Variants in IRAK2 observed in about 807,000 individuals in gnomAD.
IRAK2 encodes the protein interleukin 1 receptor associated kinase 2.
In IRAK2, 57 loss-of-function variants were observed where a neutral mutation model predicts 72.0. That is an observed-to-expected ratio of 0.79 (90% CI 0.64 to 0.99). IRAK2 has a LOEUF of 0.99. Ranked by LOEUF, IRAK2 falls within the 50% of genes least tolerant of loss-of-function variation. The pLI, the probability that IRAK2 is intolerant of heterozygous loss-of-function variation, is 0.00. For synonymous variants in IRAK2, 293 were observed against 312.7 expected, an observed-to-expected ratio of 0.94 and a Z score of 0.67; for missense variants, 790 against 794.4, an observed-to-expected ratio of 0.99 and a Z score of 0.07.
intron 10 of IRAK2, 62 bp downstream of exon 10, chr3:10,226,495 G>T: frequency 7.5e-7 from 1 of 1,332,290 alleles, no homozygotes; most frequent in South Asian, 1.2e-5. Context: ...CTGTAGAGAG[G>T]GCAACGACCT....
intron 1 of IRAK2, among the ~76,000 whole-genome samples, chr3:10,169,065 G>A (rs1440332946): frequency 6.6e-6 from 1 of 152,122 alleles, no homozygotes; most frequent in East Asian, 1.9e-4. Context: ...TTACACATTG[G>A]TAGGACCGTG....
In IRAK2 at chr3:10,206,274, C is replaced by G. The variant is rs190338531; in HGVS notation, c.425-3315C>G. ...TCTGCACACAGTGCCTGGGGAACAG[C>G]CCCTGGGAAGCATGGTCCGGATGCA... On this transcript the variant is annotated intron_variant, in intron 3 of 12. Coordinates refer to ENST00000256458, the MANE Select transcript of IRAK2 (RefSeq NM_001570.4). Among the ~76,000 whole-genome samples the G allele has an allele frequency of 1.7e-3, 260 of 152,302 alleles. 6 individuals carry two copies. The South Asian group carries it at 0.043, about 25-fold the overall frequency.
At chr3:10,204,100 AT>A (rs2125152775) in intron 3 of IRAK2, among the ~76,000 whole-genome samples, 1 of 152,366 alleles carries the variant, frequency 6.6e-6, no homozygotes, top group African/African-American at 2.4e-5. Flanking sequence ...TACTCTACAC[AT>A]AGTTTCACCA....
chr3:10,171,988 A>T (rs1159834256), intron 1 of IRAK2, among the ~76,000 whole-genome samples: 1 of 152,048 alleles, frequency 6.6e-6, no homozygotes, highest in East Asian at 1.9e-4. Flanking sequence ...CTGTAATCTC[A>T]GCACTTTGGG....
chr3:10,211,274 C>T (rs556476287), intron 4 of IRAK2, among the ~76,000 whole-genome samples: 159 of 151,898 alleles, frequency 1.0e-3, no homozygotes, highest in African/African-American at 3.0e-3. Flanking sequence ...CCTGAGTATC[C>T]GGGATTATAG....
intron 1 of IRAK2, among the ~76,000 whole-genome samples, chr3:10,168,283 T>C (rs1696733905): frequency 6.6e-6 from 1 of 151,448 alleles, no homozygotes; most frequent in South Asian, 2.1e-4. Flanking sequence ...TGATCTCGGC[T>C]CGCTGCAACC....
chr3:10,184,280 A>G (rs993932845), intron 2 of IRAK2, among the ~76,000 whole-genome samples: 4 of 152,156 alleles, frequency 2.6e-5, no homozygotes, highest in African/African-American at 9.7e-5. Flanking sequence ...TTTATGTGCA[A>G]CTAAAGCTTC....
intron 10 of IRAK2, among the ~76,000 whole-genome samples, chr3:10,228,881 G>C (rs113124038): frequency 0.047 from 7,216 of 152,006 alleles, 395 homozygotes; most frequent in African/African-American, 0.14. Context: ...TTTGTGCCTA[G>C]AGAAACATGC....
Position 10,242,467 on chromosome 3 carries a change from G to A in IRAK2, c.*239G>A, listed in dbSNP as rs562943497. 89 of 287,020 alleles carry A rather than the reference G, an allele frequency of 3.1e-4. 1 individual carries two copies. In the South Asian group the frequency reaches 6.7e-3, roughly 22 times the overall value. The allele number at this position is 287,020 out of a possible 1,614,324, so 17.8% of individuals were successfully genotyped here. A position where few individuals can be genotyped will look rare whatever the true frequency, so the allele number is the denominator to read the frequency against. Reference sequence around the variant, plus strand: ...TTCTGGGCTTTGTTAGTCAGAGCAGGGGATCAGAGGAGACTGAAGCAGAAA... The same window carrying A: ...TTCTGGGCTTTGTTAGTCAGAGCAGAGGATCAGAGGAGACTGAAGCAGAAA... On this transcript the variant is annotated 3_prime_UTR_variant, in exon 13 of 13. Coordinates refer to ENST00000256458, the MANE Select transcript of IRAK2 (RefSeq NM_001570.4).
chr3:10,216,321 G>T (rs1442825515), intron 6 of IRAK2, among the ~76,000 whole-genome samples: 1 of 152,164 alleles, frequency 6.6e-6, no homozygotes, highest in African/African-American at 2.4e-5. Context: ...GTTGACCTGA[G>T]CATCAGGATG....
At position 10,200,492 on chromosome 3, in the gene IRAK2, G is replaced by C. The variant is rs1244626242; in HGVS notation, c.401G>C (p.Arg134Thr). 25 of 1,580,778 alleles carry C rather than the reference G, an allele frequency of 1.6e-5. No individual in the cohort carries two copies. The highest frequency in any genetic ancestry group is 2.2e-5 in the Non-Finnish European group (25 of 1,161,638). Residue 134 changes from arginine (R) to threonine (T), a missense_variant, in exon 3 of 13, where the codon AGG (arginine) becomes ACG (threonine). Arg to Thr is a moderately conservative substitution (Grantham distance 71). Transcript: ENST00000256458. ...EDEQEEGQPV[R>T]MATFPGPGSS... ...GAACAGGAAGAGGGGCAGCCTGTGAGGATGGCCACCTTTCCAGGCCCAGGT... is the reference window on the plus strand; with the variant it reads ...GAACAGGAAGAGGGGCAGCCTGTGACGATGGCCACCTTTCCAGGCCCAGGT...
intron 2 of IRAK2, among the ~76,000 whole-genome samples, chr3:10,199,369 G>A (rs1697319041): frequency 6.6e-6 from 1 of 152,180 alleles, no homozygotes; most frequent in Non-Finnish European, 1.5e-5. Context: ...ATCTTAGCAA[G>A]TCATTTAACC....
At chr3:10,206,905 A>C (rs1697441908) in intron 3 of IRAK2, among the ~76,000 whole-genome samples, 1 of 151,170 alleles carries the variant, frequency 6.6e-6, no homozygotes, top group African/African-American at 2.4e-5. Context: ...CCCAGGCTGG[A>C]GTGCAGTGGC....
In IRAK2 at chr3:10,243,431, G is replaced by A. The variant is rs1698092080; in HGVS notation, c.*1203G>A. ...TAATTAAGTCAATCATTTAATTTTT[G>A]GGACCTCAGTTTCTTTGTAAGTAAA... is the stretch of plus-strand genomic sequence containing the variant. On this transcript the variant is annotated 3_prime_UTR_variant, in exon 13 of 13. Transcript: ENST00000256458. 1 of 152,582 alleles carries A rather than the reference G, an allele frequency of 6.6e-6. No individual in the cohort carries two copies. The highest frequency in any genetic ancestry group is 2.1e-4 in the South Asian group (1 of 4,832). 9.5% of individuals were successfully genotyped at this position (152,582 alleles called of 1,614,324 possible). A position where few individuals can be genotyped will look rare whatever the true frequency, so the allele number is the denominator to read the frequency against.
intron 11 of IRAK2, among the ~76,000 whole-genome samples, chr3:10,235,488 T>C (rs569892423): frequency 6.6e-6 from 1 of 152,108 alleles, no homozygotes; most frequent in South Asian, 2.1e-4. Context: ...AAGGACAAAC[T>C]CTCCACTGCC....
At position 10,234,496 on chromosome 3, in the gene IRAK2, C is replaced by T. The variant is rs1371014617; in HGVS notation, c.1310C>T (p.Ala437Val). 11 of 1,614,090 alleles carry T rather than the reference C, an allele frequency of 6.8e-6. No individual in the cohort carries two copies. The South Asian group carries it at 1.2e-4, about 18-fold the overall frequency. ...CTCAGTGATATTCCAAGCAGCACCG[C>T]CTCGCTCTGCTCCAGGAAGACGGGC... ...LLLSDIPSST[A>V]SLCSRKTGVE... Residue 437 changes from alanine (A) to valine (V), a missense_variant, in exon 11 of 13, where the codon GCC becomes GTC. By Grantham distance (64) the Ala-to-Val change is moderately conservative. Coordinates refer to ENST00000256458, the MANE Select transcript of IRAK2 (RefSeq NM_001570.4).
In IRAK2 at chr3:10,242,307, T is replaced by C; in HGVS notation, c.*79T>C. On this transcript the variant is annotated 3_prime_UTR_variant, in exon 13 of 13. Coordinates refer to ENST00000256458, the MANE Select transcript of IRAK2 (RefSeq NM_001570.4). ...ATCAAGAAAAAGGTCTGAGGCAGAA[T>C]CCAAGATCTGCCAGGAAACACACAA... is the stretch of plus-strand genomic sequence containing the variant. 1 of 767,758 alleles carries C rather than the reference T, an allele frequency of 1.3e-6. No homozygotes were observed. Among genetic ancestry groups the C allele is most frequent in the Non-Finnish European group, 2.1e-6 (1 of 466,476 alleles). 47.6% of individuals were successfully genotyped at this position (767,758 alleles called of 1,614,324 possible). A position where few individuals can be genotyped will look rare whatever the true frequency, so the allele number is the denominator to read the frequency against.
At chr3:10,201,064 A>G (rs1305829869) in intron 3 of IRAK2, among the ~76,000 whole-genome samples, 1 of 152,254 alleles carries the variant, frequency 6.6e-6, no homozygotes, top group African/African-American at 2.4e-5. Context: ...AACAAAATGT[A>G]TATAACATCT....
Position 10,213,338 on chromosome 3 carries a change from C to T in IRAK2, c.660C>T (p.Thr220=). ...FNQNRKISQG[T]FADVYRGHRH... is the part of the protein sequence containing the mutation. ...AAAACCGCAAAATCAGCCAGGGGAC[C>T]TTTGCTGACGTCTACAGAGGGCACA... The change falls in exon 5 of 13, where the codon ACC becomes ACT. Residue 220 remains threonine (T), a synonymous_variant. Transcript: ENST00000256458. The T allele has an allele frequency of 2.5e-6, 4 of 1,614,056 alleles. No individual in the cohort carries two copies. Among genetic ancestry groups the T allele is most frequent in the South Asian group, 1.1e-5 (1 of 91,084 alleles).
Sources: allele counts gnomAD v4.1 joint callset (sites outside exome capture counted in the v4.1 genomes callset), GRCh38; gene constraint gnomAD v4.1.1; transcripts MANE v1.5; gene names NCBI Gene and HGNC (gene_info 2026-07-23, HGNC 2026-07-21).